Variants in ANTXR1 observed in about 807,000 individuals in gnomAD.
The protein encoded by ANTXR1 is anthrax toxin receptor 1.
Under a neutral mutation model 78.1 loss-of-function variants are expected in ANTXR1, and 19 were observed. The observed-to-expected ratio is 0.24, with a 90% confidence interval of 0.17 to 0.36. ANTXR1 has a LOEUF of 0.36. Ranked by LOEUF, ANTXR1 falls within the 10% of genes least tolerant of loss-of-function variation. The probability of loss-of-function intolerance (pLI) is 1.00; values close to 1 mark genes in which losing one functional copy is unlikely to be tolerated. For synonymous variants in ANTXR1, 273 were observed against 260.5 expected, an observed-to-expected ratio of 1.05 and a Z score of -0.46; for missense variants, 518 against 718.6, an observed-to-expected ratio of 0.72 and a Z score of 3.19.
intron 10 of ANTXR1, among the ~76,000 whole-genome samples, chr2:69,109,339 T>A (rs1012055023): frequency 6.6e-6 from 1 of 152,234 alleles, no homozygotes. Flanking sequence ...ACAATCCAAA[T>A]GAAAATTCCA....
chr2:69,095,681 G>A (rs1671377376), intron 9 of ANTXR1, among the ~76,000 whole-genome samples: 1 of 152,176 alleles, frequency 6.6e-6, no homozygotes, highest in Non-Finnish European at 1.5e-5. Context: ...TACAACTAAA[G>A]CTTTCCAACA....
At chr2:69,129,083 A>T (rs186652707) in intron 12 of ANTXR1, among the ~76,000 whole-genome samples, 9 of 152,362 alleles carry the variant, frequency 5.9e-5, no homozygotes, top group African/African-American at 2.2e-4. Context: ...CCATGACTAT[A>T]GAAAATGGTC....
intron 1 of ANTXR1, among the ~76,000 whole-genome samples, chr2:69,026,228 G>T (rs1671339277): frequency 6.6e-6 from 1 of 152,202 alleles, no homozygotes. Context: ...ATAGCGTTTG[G>T]ACAAGCATGG....
At chr2:69,055,025 T>C (rs1383294381) in intron 3 of ANTXR1, among the ~76,000 whole-genome samples, 2 of 152,158 alleles carry the variant, frequency 1.3e-5, no homozygotes, top group Non-Finnish European at 2.9e-5. Flanking sequence ...AATGCAATGA[T>C]GACCCCACTT....
At chr2:69,027,621 AGTGTGTGTGT>A (rs10631795) in intron 1 of ANTXR1, among the ~76,000 whole-genome samples, 4 of 146,952 alleles carry the variant, frequency 2.7e-5, no homozygotes, top group Admixed American at 6.7e-5. Flanking sequence ...AGATGATGCA[AGTGTGTGTGT>A]GTGTGTGTAT....
chr2:69,234,496 T>C (rs1675702878), intron 17 of ANTXR1, among the ~76,000 whole-genome samples: 1 of 152,174 alleles, frequency 6.6e-6, no homozygotes, highest in South Asian at 2.1e-4. Context: ...TTATTTATAG[T>C]CTGGGCACAG....
chr2:69,142,968 A>G (rs567553328), intron 12 of ANTXR1, among the ~76,000 whole-genome samples: 2 of 152,352 alleles, frequency 1.3e-5, no homozygotes, highest in South Asian at 4.1e-4. Context: ...GAGCCTGTGC[A>G]TAAATGTGAA....
chr2:69,190,268 C>T (rs571293073), intron 16 of ANTXR1, among the ~76,000 whole-genome samples: 2 of 152,080 alleles, frequency 1.3e-5, no homozygotes, highest in African/African-American at 2.4e-5. Context: ...GTCGGGATGC[C>T]GTGGGTGGCC....
At chr2:69,240,550 G>T (rs1558668526) in intron 17 of ANTXR1, among the ~76,000 whole-genome samples, 1 of 152,234 alleles carries the variant, frequency 6.6e-6, no homozygotes, top group African/African-American at 2.4e-5. Flanking sequence ...AGAATTTTGA[G>T]CTGGAGAGTG....
Position 69,084,492 on chromosome 2 carries a change from C to T in ANTXR1, c.643-6367C>T, listed in dbSNP as rs569665828. 1.3e-4 allele frequency among the ~76,000 whole-genome samples: 19 copies of T among 151,444 alleles called. No homozygotes were observed. The South Asian group carries it at 1.9e-3, about 15-fold the overall frequency. Reference sequence around the variant, plus strand: ...CAAAATGTGTTTTGTTGCATGTAAGCGTGGTATAATGTATTTGGTATAGTG... The same window carrying T: ...CAAAATGTGTTTTGTTGCATGTAAGTGTGGTATAATGTATTTGGTATAGTG... On this transcript the variant is annotated intron_variant, in intron 8 of 17. Coordinates refer to ENST00000303714, the MANE Select transcript of ANTXR1 (RefSeq NM_032208.3).
chr2:69,123,260 G>A (rs1392818488), intron 11 of ANTXR1, among the ~76,000 whole-genome samples, 174 bp downstream of exon 11: 5 of 152,154 alleles, frequency 3.3e-5, no homozygotes, highest in African/African-American at 1.2e-4. Flanking sequence ...GTTTTACAAA[G>A]TATCTCACTT....
intron 3 of ANTXR1, among the ~76,000 whole-genome samples, chr2:69,048,957 T>C (rs1253753083): frequency 6.6e-6 from 1 of 152,214 alleles, no homozygotes; most frequent in Non-Finnish European, 1.5e-5. Context: ...ATACCATGTC[T>C]CGTTTACGTC....
At chr2:69,101,899 C>T (rs1291619139) in intron 9 of ANTXR1, among the ~76,000 whole-genome samples, 2 of 152,154 alleles carry the variant, frequency 1.3e-5, no homozygotes, top group Non-Finnish European at 2.9e-5. Context: ...GCAAATATTC[C>T]CAAACATTTA....
chr2:69,075,759 C>G (rs1378343633), intron 7 of ANTXR1, 101 bp downstream of exon 7: 1 of 1,070,450 alleles, frequency 9.3e-7, no homozygotes, highest in Middle Eastern at 2.0e-4. Flanking sequence ...AATAAATGCC[C>G]CTGAAATAGG....
intron 17 of ANTXR1, among the ~76,000 whole-genome samples, chr2:69,203,841 A>G (rs1217175512): frequency 6.6e-6 from 1 of 152,116 alleles, no homozygotes; most frequent in Admixed American, 6.5e-5. Context: ...CATCTCCCAA[A>G]CAGCTGCAAC....
chr2:69,136,721 T>G (rs1033964696), intron 12 of ANTXR1, among the ~76,000 whole-genome samples: 1 of 152,072 alleles, frequency 6.6e-6, no homozygotes, highest in Non-Finnish European at 1.5e-5. Flanking sequence ...CACAGGAGAT[T>G]AGAGAAGAAT....
intron 3 of ANTXR1, among the ~76,000 whole-genome samples, chr2:69,066,830 G>A (rs1455626520): frequency 6.6e-6 from 1 of 152,186 alleles, no homozygotes; most frequent in Non-Finnish European, 1.5e-5. Context: ...TAGCTTCTAA[G>A]TAGGAACACT....
intron 17 of ANTXR1, among the ~76,000 whole-genome samples, chr2:69,201,243 G>C (rs1288010884): frequency 6.6e-6 from 1 of 152,106 alleles, no homozygotes; most frequent in African/African-American, 2.4e-5. Context: ...CTTCTTGAAT[G>C]GACATTTAAG....
At chr2:69,075,549 C>G (rs1214390560) in intron 6 of ANTXR1, 41 bp from the exon 7 acceptor site, 3 of 1,597,776 alleles carry the variant, frequency 1.9e-6, no homozygotes. Context: ...GTTCATTTGT[C>G]ACTGCTTCTC....
Sources: gnomAD v4.1 joint callset for allele counts (sites outside exome capture counted in the v4.1 genomes callset) on GRCh38, gnomAD v4.1.1 for gene constraint, MANE v1.5 for transcripts, NCBI Gene and HGNC (gene_info 2026-07-23, HGNC 2026-07-21) for gene names.